GADL1: variants seen among roughly 807,000 people sequenced by gnomAD.
GADL1 encodes GAD like acidic amino acid decarboxylase 1, also known as acidic amino acid decarboxylase GADL1.
In GADL1, 71 loss-of-function variants were observed where a neutral mutation model predicts 69.5. That is an observed-to-expected ratio of 1.02 (90% CI 0.84 to 1.25). GADL1 has a LOEUF of 1.25. GADL1 is among the 50% of genes most tolerant of loss of function. The pLI, the probability that GADL1 is intolerant of heterozygous loss-of-function variation, is 0.00. For synonymous variants in GADL1, 254 were observed against 214.4 expected (o/e 1.18, Z -1.62); for missense variants, 737 against 631.8 (o/e 1.17, Z -1.79).
At chr3:30,871,769 T>C (rs1332960786) in intron 1 of GADL1, among the ~76,000 whole-genome samples, 1 of 151,762 alleles carries the variant, frequency 6.6e-6, no homozygotes, top group African/African-American at 2.4e-5. Flanking sequence ...GCCAGGTCCA[T>C]AAACACCATC....
chr3:30,800,756 C>G, intron 12 of GADL1, 133 bp downstream of exon 12: 1 of 713,010 alleles, frequency 1.4e-6, no homozygotes, highest in East Asian at 2.7e-5. Flanking sequence ...GTACTTGCAA[C>G]ACATTTCAAG....
At chr3:30,865,231 G>A (rs992563237) in intron 1 of GADL1, among the ~76,000 whole-genome samples, 2 of 151,344 alleles carry the variant, frequency 1.3e-5, no homozygotes, top group Non-Finnish European at 2.9e-5. Context: ...TACTTTCTCT[G>A]CTTTGATTCC....
chr3:30,791,501 T>C (rs972959790), intron 12 of GADL1, among the ~76,000 whole-genome samples: 1 of 152,212 alleles, frequency 6.6e-6, no homozygotes, highest in Non-Finnish European at 1.5e-5. Context: ...TTACAAGTTA[T>C]GGCTACACAA....
chr3:30,888,128 C>A (rs1698734208), intron 1 of GADL1, among the ~76,000 whole-genome samples: 1 of 151,990 alleles, frequency 6.6e-6, no homozygotes, highest in Admixed American at 6.6e-5. Context: ...TTTTTTATTT[C>A]TATTTTTTTA....
At chr3:30,775,710 T>A (rs1409213330) in intron 14 of GADL1, among the ~76,000 whole-genome samples, 1 of 151,984 alleles carries the variant, frequency 6.6e-6, no homozygotes, top group African/African-American at 2.4e-5. Flanking sequence ...GTAAAAAAAA[T>A]AAACTGGATA....
chr3:30,872,044 A>G (rs1418528730), intron 1 of GADL1, among the ~76,000 whole-genome samples: 1 of 151,928 alleles, frequency 6.6e-6, no homozygotes. Context: ...CTGCAATTGT[A>G]TATCTTAGAT....
chr3:30,873,404 G>A (rs1339175120), intron 1 of GADL1, among the ~76,000 whole-genome samples: 1 of 151,872 alleles, frequency 6.6e-6, no homozygotes, highest in African/African-American at 2.4e-5. Flanking sequence ...AAGTCATATA[G>A]CTAGTAAGTG....
chr3:30,753,730 A>G (rs989675312), intron 14 of GADL1, among the ~76,000 whole-genome samples: 3 of 151,168 alleles, frequency 2.0e-5, no homozygotes, highest in Non-Finnish European at 4.4e-5. Context: ...AAGTACAATA[A>G]ATGAAAACTT....
At chr3:30,871,254 A>T (rs1698478120) in intron 1 of GADL1, among the ~76,000 whole-genome samples, 1 of 151,688 alleles carries the variant, frequency 6.6e-6, no homozygotes, top group Non-Finnish European at 1.5e-5. Context: ...TGTTGATGGG[A>T]TAAGAAGACT....
At chr3:30,781,069 C>T (rs912598959) in intron 13 of GADL1, among the ~76,000 whole-genome samples, 2 of 152,104 alleles carry the variant, frequency 1.3e-5, no homozygotes, top group African/African-American at 4.8e-5. Flanking sequence ...CCTGAGAACA[C>T]ATTTAGTCTA....
intron 14 of GADL1, among the ~76,000 whole-genome samples, chr3:30,747,043 T>G (rs1240747678): frequency 6.6e-6 from 1 of 152,188 alleles, no homozygotes; most frequent in Non-Finnish European, 1.5e-5. Context: ...AGCAGACATA[T>G]AGGGATGTCT....
intron 11 of GADL1, among the ~76,000 whole-genome samples, chr3:30,815,545 G>A (rs533595829): frequency 3.7e-4 from 57 of 152,266 alleles, no homozygotes; most frequent in African/African-American, 1.4e-3. Context: ...CAGAATTTCT[G>A]TACAACCTTG....
intron 8 of GADL1, among the ~76,000 whole-genome samples, chr3:30,840,018 G>A (rs923146606): frequency 6.6e-6 from 1 of 152,080 alleles, no homozygotes; most frequent in Non-Finnish European, 1.5e-5. Context: ...GCAGACAAAT[G>A]TGGGGGTGAG....
At chr3:30,871,809 G>A (rs1698486790) in intron 1 of GADL1, among the ~76,000 whole-genome samples, 1 of 151,774 alleles carries the variant, frequency 6.6e-6, no homozygotes, top group South Asian at 2.1e-4. Context: ...CTCCTCAGAA[G>A]GGAGTCTCTG....
intron 14 of GADL1, among the ~76,000 whole-genome samples, chr3:30,741,083 G>A (rs1468068226): frequency 1.1e-5 from 1 of 89,630 alleles, no homozygotes; most frequent in Non-Finnish European, 2.0e-5. Context: ...AATATATATA[G>A]GTGTTTGTAT....
intron 12 of GADL1, among the ~76,000 whole-genome samples, chr3:30,789,278 T>C (rs1051319170): frequency 3.9e-5 from 6 of 152,220 alleles, no homozygotes; most frequent in Non-Finnish European, 5.9e-5. Flanking sequence ...AGGTGCGTTG[T>C]CAATGAGCAG....
rs530667923 is a variant in GADL1 at position 30,773,242 on chromosome 3, T to A, written c.1392+4937A>T. Among the ~76,000 whole-genome samples the A allele has an allele frequency of 3.3e-5, 5 of 152,322 alleles. No homozygotes were observed. In the East Asian group the frequency reaches 9.6e-4, roughly 29 times the overall value. On this transcript the variant is annotated intron_variant, in intron 14 of 14. Coordinates refer to ENST00000282538, the MANE Select transcript of GADL1 (RefSeq NM_207359.3). ...TTTCTAAGGTAATACATGTAGATAA[T>A]TTTTAAATGGTAAAAACGTACCATA...
intron 14 of GADL1, among the ~76,000 whole-genome samples, chr3:30,732,963 A>G (rs1455656605): frequency 6.6e-6 from 1 of 152,124 alleles, no homozygotes; most frequent in Non-Finnish European, 1.5e-5. Flanking sequence ...AGGCTGCGGC[A>G]CGGGACGCAG....
chr3:30,786,233 G>A lies in GADL1; in HGVS notation c.1302+122C>T, dbSNP rs58010707. 0.021 allele frequency: 14,849 copies of A among 692,308 alleles called. 1,957 individuals are homozygous for A. In the East Asian group the frequency reaches 0.31, roughly 15 times the overall value. The allele number at this position is 692,308 out of a possible 1,614,324, so 42.9% of individuals were successfully genotyped here. A position where few individuals can be genotyped will look rare whatever the true frequency, so the allele number is the denominator to read the frequency against. ...ATTAACATAATAGACTATGAATTAA[G>A]CTAATGACTTGTTTTTAACTCTGCA... is the stretch of plus-strand genomic sequence containing the variant. On this transcript the variant is annotated intron_variant, in intron 13 of 14. Transcript: ENST00000282538.
Sources: allele counts gnomAD v4.1 joint callset (sites outside exome capture counted in the v4.1 genomes callset), GRCh38; gene constraint gnomAD v4.1.1; transcripts MANE v1.5; gene names NCBI Gene and HGNC (gene_info 2026-07-23, HGNC 2026-07-21).